The following PLXNA2 variants were observed in gnomAD, a reference collection of about 807,000 sequenced individuals.
The protein encoded by PLXNA2 is plexin A2.
PLXNA2 carries 91 observed loss-of-function variants against 193.5 expected under a neutral mutation model. The observed-to-expected ratio is 0.47, with a 90% CI of 0.40 to 0.56. PLXNA2 has a LOEUF of 0.56. PLXNA2 is among the 20% of genes least tolerant of loss of function. The pLI, the probability that PLXNA2 is intolerant of heterozygous loss-of-function variation, is 0.00. For missense variants in PLXNA2, 1,995 were observed against 2,503.2 expected (o/e 0.80, Z 4.33); for synonymous variants, 997 against 1,027.3 (o/e 0.97, Z 0.56).
At chr1:208,188,647 T>C (rs1165221588) in intron 3 of PLXNA2, among the ~76,000 whole-genome samples, 3 of 150,254 alleles carry the variant, frequency 2.0e-5, no homozygotes, top group East Asian at 1.9e-4. Context: ...AGGCGGAGGT[T>C]GCAGTGAGCT....
chr1:208,113,393 G>T (rs1350576727), intron 4 of PLXNA2, among the ~76,000 whole-genome samples: 1 of 152,174 alleles, frequency 6.6e-6, no homozygotes, highest in Non-Finnish European at 1.5e-5. Flanking sequence ...CCTTACCACA[G>T]AGCTTGACTT....
chr1:208,218,202 T>C, intron 1 of PLXNA2, 200 bp from the exon 2 acceptor site: 1 of 562,310 alleles, frequency 1.8e-6, no homozygotes, highest in Non-Finnish European at 3.1e-6. Flanking sequence ...CTCTAGCCTT[T>C]ATGCTATAAA....
intron 1 of PLXNA2, among the ~76,000 whole-genome samples, chr1:208,220,262 A>C (rs1196040348): frequency 6.6e-6 from 1 of 152,172 alleles, no homozygotes; most frequent in African/African-American, 2.4e-5. Context: ...AGAATCTGGG[A>C]ACAAATTTGG....
intron 3 of PLXNA2, among the ~76,000 whole-genome samples, chr1:208,186,445 C>T (rs780816069): frequency 2.6e-5 from 4 of 152,080 alleles, no homozygotes; most frequent in Non-Finnish European, 5.9e-5. Context: ...CACAATAAAA[C>T]CAAAACCCAC....
At chr1:208,139,575 G>T (rs1039524683) in intron 4 of PLXNA2, among the ~76,000 whole-genome samples, 1 of 152,196 alleles carries the variant, frequency 6.6e-6, no homozygotes, top group Non-Finnish European at 1.5e-5. Context: ...ATAGAGAATG[G>T]TGAAATGAAG....
chr1:208,082,287 G>A lies in PLXNA2; in HGVS notation c.2395+125C>T, dbSNP rs1666370130. 11 of 731,184 alleles carry A rather than the reference G, an allele frequency of 1.5e-5. No individual in the cohort carries two copies. The highest frequency in any genetic ancestry group is 2.6e-5 in the Non-Finnish European group (11 of 416,870). 45.3% of individuals were successfully genotyped at this position (731,184 alleles called of 1,614,324 possible). ...AAATGTTGCTTTAGGATCCTCTGAAGAGTTCCGCCGACAGAGGGAGTGTAT... is the reference window on the plus strand; with the variant it reads ...AAATGTTGCTTTAGGATCCTCTGAAAAGTTCCGCCGACAGAGGGAGTGTAT... On this transcript the variant is annotated intron_variant, in intron 11 of 31. Transcript: ENST00000367033. The surrounding 1 kb of genome is among the most constrained non-coding windows in gnomAD (Gnocchi z 4.2).
intron 12 of PLXNA2, among the ~76,000 whole-genome samples, chr1:208,067,878 G>GTA (rs1665848134): frequency 1.3e-5 from 2 of 152,206 alleles, no homozygotes; most frequent in South Asian, 4.1e-4. Flanking sequence ...TTTATAGGGT[G>GTA]TAAAGCCTCT....
intron 27 of PLXNA2, among the ~76,000 whole-genome samples, chr1:208,033,889 T>A (rs1664586763): frequency 6.6e-6 from 1 of 152,196 alleles, no homozygotes; most frequent in Non-Finnish European, 1.5e-5. Context: ...ATTCTCCTCT[T>A]GGGAGTTAAG....
intron 3 of PLXNA2, among the ~76,000 whole-genome samples, chr1:208,176,455 A>C (rs1486171902): frequency 3.3e-5 from 5 of 152,216 alleles, no homozygotes; most frequent in Non-Finnish European, 5.9e-5. Flanking sequence ...ATAAGATGCA[A>C]AATTAATGAA....
At chr1:208,084,699 T>A in intron 9 of PLXNA2, 119 bp from the exon 10 acceptor site, 3 of 880,396 alleles carry the variant, frequency 3.4e-6, no homozygotes, top group Non-Finnish European at 5.3e-6. Flanking sequence ...TTACCTCATG[T>A]AAGGCCCGTG....
Position 208,171,413 on chromosome 1 carries a change from C to T in PLXNA2, c.1372-28950G>A, listed in dbSNP as rs562368371. On this transcript the variant is annotated intron_variant, in intron 3 of 31. Coordinates refer to ENST00000367033, the MANE Select transcript of PLXNA2 (RefSeq NM_025179.4). ...TTTAATTCTCAAAATACATTTAATC[C>T]TCAAAATAAATTCTGAGTTAGTCCC... Among the ~76,000 whole-genome samples, 12 of 152,304 alleles carry T rather than the reference C, an allele frequency of 7.9e-5. No homozygotes were observed. The South Asian group carries it at 2.3e-3, about 29-fold the overall frequency.
intron 3 of PLXNA2, among the ~76,000 whole-genome samples, chr1:208,152,163 C>T (rs1250050497): frequency 6.6e-6 from 1 of 152,214 alleles, no homozygotes; most frequent in Non-Finnish European, 1.5e-5. Flanking sequence ...GCATTTCCAG[C>T]TGTAGGGATG....
intron 4 of PLXNA2, among the ~76,000 whole-genome samples, chr1:208,134,573 C>A (rs1668248957): frequency 6.6e-6 from 1 of 152,164 alleles, no homozygotes; most frequent in African/African-American, 2.4e-5. Context: ...TCCTAATCCG[C>A]AAACTCTGTA....
At chr1:208,163,364 A>G (rs1456828321) in intron 3 of PLXNA2, among the ~76,000 whole-genome samples, 1 of 152,224 alleles carries the variant, frequency 6.6e-6, no homozygotes, top group Admixed American at 6.5e-5. Flanking sequence ...ATAGATAATA[A>G]AAGTCTCAGC....
At chr1:208,084,826 GCA>G (rs1179081680) in intron 9 of PLXNA2, among the ~76,000 whole-genome samples, 1 of 152,234 alleles carries the variant, frequency 6.6e-6, no homozygotes, top group African/African-American at 2.4e-5. Flanking sequence ...TAATTTTCAA[GCA>G]CAGTGTGGCA....
rs535485355 is a variant in PLXNA2, at chr1:208,089,699, C to T, written c.2097+3087G>A. 6.2e-4 allele frequency among the ~76,000 whole-genome samples: 95 copies of T among 152,178 alleles called. 2 individuals carry two copies. In the South Asian group the frequency reaches 9.6e-3, roughly 15 times the overall value. On this transcript the variant is annotated intron_variant, in intron 9 of 31. Coordinates refer to ENST00000367033, the MANE Select transcript of PLXNA2 (RefSeq NM_025179.4). ...AATGTTGCTATATTAATCAATGGAG[C>T]TAATCAGTTATATATTGTTTCTAGG...
chr1:208,058,027 C>T (rs1245293304), intron 13 of PLXNA2, among the ~76,000 whole-genome samples: 2 of 152,164 alleles, frequency 1.3e-5, no homozygotes, highest in African/African-American at 4.8e-5. Flanking sequence ...GCTTGAGCAC[C>T]AGTCTCCTGG....
intron 1 of PLXNA2, among the ~76,000 whole-genome samples, chr1:208,241,322 C>G (rs1672042835): frequency 6.6e-6 from 1 of 152,172 alleles, no homozygotes; most frequent in African/African-American, 2.4e-5. Context: ...AAGAGAGTTG[C>G]AGGGTGAATG....
At chr1:208,099,377 T>C (rs560000015) in intron 5 of PLXNA2, among the ~76,000 whole-genome samples, 26 of 152,274 alleles carry the variant, frequency 1.7e-4, no homozygotes, top group African/African-American at 6.3e-4. Context: ...TTATAGAATT[T>C]TGGGGGAGTT....
Sources: gnomAD v4.1 joint callset for allele counts (sites outside exome capture counted in the v4.1 genomes callset) on GRCh38, gnomAD v4.1.1 for gene constraint, Gnocchi (gnomAD v3.1) non-coding constraint, MANE v1.5 for transcripts, NCBI Gene and HGNC (gene_info 2026-07-23, HGNC 2026-07-21) for gene names.